Variants in CDYL2 observed in about 807,000 individuals in gnomAD.
CDYL2 encodes chromodomain Y like 2.
A neutral mutation model predicts 49.4 loss-of-function variants in CDYL2; 23 were observed. The ratio of observed to expected loss-of-function variants is 0.47; its 90% CI spans 0.34 to 0.66. The LOEUF is 0.66. Among genes scored for constraint, CDYL2 ranks in the 30% least tolerant of loss-of-function variants. The pLI is 0.01. For missense variants in CDYL2, 678 were observed against 656.4 expected, an observed-to-expected ratio of 1.03 and a Z score of -0.36; for synonymous variants, 360 against 268.8, an observed-to-expected ratio of 1.34 and a Z score of -3.32.
intron 1 of CDYL2, among the ~76,000 whole-genome samples, chr16:80,736,965 T>C (rs759830230): frequency 1.3e-5 from 2 of 152,236 alleles, no homozygotes; most frequent in African/African-American, 2.4e-5. Context: ...TATTACATGA[T>C]GCATCGTATT....
At chr16:80,680,983 G>C (rs1909946082) in intron 2 of CDYL2, among the ~76,000 whole-genome samples, 1 of 152,152 alleles carries the variant, frequency 6.6e-6, no homozygotes, top group Non-Finnish European at 1.5e-5. Flanking sequence ...ATCAAGAGCA[G>C]TGTAGAACTG....
chr16:80,699,900 C>T (rs912701293), intron 1 of CDYL2, among the ~76,000 whole-genome samples: 4 of 150,430 alleles, frequency 2.7e-5, no homozygotes, highest in Non-Finnish European at 5.9e-5. Flanking sequence ...CGGAGTCTCG[C>T]TCTGTCGCCC....
At chr16:80,729,048 G>A (rs1905248710) in intron 1 of CDYL2, among the ~76,000 whole-genome samples, 2 of 151,506 alleles carry the variant, frequency 1.3e-5, no homozygotes, top group Admixed American at 6.6e-5. Context: ...ATCAACTAAC[G>A]AGAAAATAAC....
At position 80,684,608 on chromosome 16, in the gene CDYL2, A is replaced by G. The variant is rs150427251; in HGVS notation, c.546T>C (p.Asn182=). The G allele has an allele frequency of 1.4e-5, 23 of 1,614,046 alleles. No individual in the cohort carries two copies. The Admixed American group carries it at 2.2e-4, about 15-fold the overall frequency. ...NGSHQPGLDL[N]DHVGEQDMGE... ...CCATATCTTGCTCTCCAACATGATC[A>G]TTCAAATCCAAGCCAGGCTGATGGG... The change falls in exon 2 of 7, where the codon AAT becomes AAC. Residue 182 remains asparagine, a synonymous_variant. Coordinates refer to ENST00000570137, the MANE Select transcript of CDYL2 (RefSeq NM_152342.4).
chr16:80,727,745 G>A (rs1905210382), intron 1 of CDYL2, among the ~76,000 whole-genome samples: 1 of 152,206 alleles, frequency 6.6e-6, no homozygotes, highest in African/African-American at 2.4e-5. Flanking sequence ...CACGCAGCGG[G>A]AGATCTGAGA....
chr16:80,776,031 G>A (rs1448447933), intron 1 of CDYL2, among the ~76,000 whole-genome samples: 1 of 151,822 alleles, frequency 6.6e-6, no homozygotes, highest in Non-Finnish European at 1.5e-5. Context: ...ATAAAAACTT[G>A]AAGTTATATG....
intron 1 of CDYL2, among the ~76,000 whole-genome samples, chr16:80,710,294 T>C (rs1028200061): frequency 1.3e-5 from 2 of 152,228 alleles, no homozygotes; most frequent in Non-Finnish European, 2.9e-5. Flanking sequence ...TGTTCTTCCA[T>C]GGCTTATTTA....
intron 2 of CDYL2, among the ~76,000 whole-genome samples, chr16:80,648,274 A>G (rs1222792829): frequency 6.6e-6 from 1 of 152,152 alleles, no homozygotes; most frequent in Non-Finnish European, 1.5e-5. Flanking sequence ...GACTAAGAAA[A>G]ACAGAGAGAA....
In CDYL2 at chr16:80,684,601, C is replaced by T. The variant is rs757634954; in HGVS notation, c.553G>A (p.Val185Ile). Residue 185 changes from valine to isoleucine, a missense_variant, in exon 2 of 7, where the codon GTT (valine) becomes ATT (isoleucine). Transcript: ENST00000570137. ...HQPGLDLNDH[V>I]GEQDMGECDV... ...CATTCACCCATATCTTGCTCTCCAACATGATCATTCAAATCCAAGCCAGGC... is the reference window on the plus strand; with the variant it reads ...CATTCACCCATATCTTGCTCTCCAATATGATCATTCAAATCCAAGCCAGGC... 1 of 1,614,222 alleles carries T rather than the reference C, an allele frequency of 6.2e-7. No homozygotes were observed. Among genetic ancestry groups the T allele is most frequent in the South Asian group, 1.1e-5 (1 of 91,088 alleles).
intron 2 of CDYL2, among the ~76,000 whole-genome samples, chr16:80,676,602 G>C (rs1186997450): frequency 6.6e-6 from 1 of 152,208 alleles, no homozygotes; most frequent in Non-Finnish European, 1.5e-5. Context: ...CAAGGAATGA[G>C]ATGTTTCTGA....
intron 1 of CDYL2, among the ~76,000 whole-genome samples, chr16:80,701,954 G>C (rs1043897621): frequency 3.3e-5 from 5 of 152,252 alleles, no homozygotes; most frequent in African/African-American, 1.2e-4. Flanking sequence ...AATCAACTGA[G>C]CAAGAAAGCA....
At chr16:80,779,156 A>C (rs1397734264) in intron 1 of CDYL2, among the ~76,000 whole-genome samples, 1 of 152,074 alleles carries the variant, frequency 6.6e-6, no homozygotes, top group African/African-American at 2.4e-5. Flanking sequence ...AAGCACAAAA[A>C]TATACATTAA....
At chr16:80,714,707 G>C (rs1003441490) in intron 1 of CDYL2, among the ~76,000 whole-genome samples, 10 of 152,052 alleles carry the variant, frequency 6.6e-5, no homozygotes, top group Non-Finnish European at 1.3e-4. Context: ...TGCCATCCTG[G>C]AACCCTGACA....
At chr16:80,620,960 G>T in intron 3 of CDYL2, 25 bp from the exon 4 acceptor site, 2 of 1,569,444 alleles carry the variant, frequency 1.3e-6, no homozygotes, top group Non-Finnish European at 1.7e-6. Context: ...GAATTTGCAG[G>T]GATGTTAAGT....
intron 4 of CDYL2, among the ~76,000 whole-genome samples, chr16:80,613,274 T>G (rs775009700): frequency 3.3e-5 from 5 of 152,208 alleles, no homozygotes; most frequent in South Asian, 2.1e-4. Flanking sequence ...AAGAATGTTC[T>G]AACATCTCTG....
At chr16:80,785,833 G>C (rs182593395) in intron 1 of CDYL2, among the ~76,000 whole-genome samples, 1 of 152,128 alleles carries the variant, frequency 6.6e-6, no homozygotes, top group Non-Finnish European at 1.5e-5. Context: ...TCCGATCTTT[G>C]ACCAACCCGA....
At chr16:80,732,685 T>C (rs888637409) in intron 1 of CDYL2, among the ~76,000 whole-genome samples, 13 of 152,232 alleles carry the variant, frequency 8.5e-5, no homozygotes, top group Non-Finnish European at 1.6e-4. Context: ...AGTAGATTAA[T>C]GTATGAAAAC....
chr16:80,792,680 C>T (rs775626863), intron 1 of CDYL2, among the ~76,000 whole-genome samples: 2 of 152,124 alleles, frequency 1.3e-5, no homozygotes, highest in Non-Finnish European at 2.9e-5. Flanking sequence ...TCATGGATAA[C>T]GTGATACTCC....
intron 1 of CDYL2, among the ~76,000 whole-genome samples, chr16:80,692,731 A>T (rs894570859): frequency 1.3e-5 from 2 of 152,252 alleles, no homozygotes; most frequent in Non-Finnish European, 2.9e-5. Flanking sequence ...CCAAGTTAAG[A>T]TAATGAGTAT....
Sources: allele counts gnomAD v4.1 joint callset (sites outside exome capture counted in the v4.1 genomes callset), GRCh38; gene constraint gnomAD v4.1.1; transcripts MANE v1.5; gene names NCBI Gene and HGNC (gene_info 2026-07-23, HGNC 2026-07-21).